The following NR5A2 variants were observed in gnomAD, a reference collection of about 807,000 sequenced individuals.
The protein encoded by NR5A2 is CYP7A promoter-binding factor.
Under a neutral mutation model 62.7 loss-of-function variants are expected in NR5A2, and 26 were observed. The observed-to-expected ratio is 0.41, with a 90% CI of 0.30 to 0.58. The LOEUF is 0.58. Ranked by LOEUF, NR5A2 falls within the 20% of genes least tolerant of loss-of-function variation. NR5A2 has a pLI of 0.22. For missense variants in NR5A2, 541 were observed against 669.1 expected (o/e 0.81, Z 2.11); for synonymous variants, 246 against 241.7 (o/e 1.02, Z -0.16).
At chr1:200,120,775 G>T in intron 6 of NR5A2, 33 bp from the exon 7 acceptor site, 1 of 1,507,872 alleles carries the variant, frequency 6.6e-7, no homozygotes, top group African/African-American at 1.4e-5. Flanking sequence ...TGCTGATTCT[G>T]ATAGTCCTTA....
At chr1:200,076,094 A>G (rs902243088) in intron 5 of NR5A2, among the ~76,000 whole-genome samples, 3 of 152,130 alleles carry the variant, frequency 2.0e-5, no homozygotes, top group Non-Finnish European at 4.4e-5. Flanking sequence ...ATAATAGACA[A>G]GAAACAGTTT....
Position 200,039,516 on chromosome 1 carries a change from C to T in NR5A2, c.65-142C>T. On this transcript the variant is annotated intron_variant, in intron 1 of 7. Coordinates refer to ENST00000367362, the MANE Select transcript of NR5A2 (RefSeq NM_205860.3). This position sits in a 1 kb window ranked among gnomAD's most constrained non-coding sequence, Gnocchi z 5.1. Reference sequence around the variant, plus strand: ...GGGGGCGGCTCCGGAGCTGCGAGACCGGACAGGGCTCAGAGGTCCTGCCCG... The same window carrying T: ...GGGGGCGGCTCCGGAGCTGCGAGACTGGACAGGGCTCAGAGGTCCTGCCCG... 8.6e-7 allele frequency: 1 copy of T among 1,164,030 alleles called. No homozygotes were observed. The highest frequency in any genetic ancestry group is 1.5e-5 in the South Asian group (1 of 66,392). 72.1% of individuals were successfully genotyped at this position (1,164,030 alleles called of 1,614,324 possible). A position where few individuals can be genotyped will look rare whatever the true frequency, so the allele number is the denominator to read the frequency against.
intron 6 of NR5A2, among the ~76,000 whole-genome samples, chr1:200,116,366 G>C (rs1207420801): frequency 1.3e-5 from 2 of 152,158 alleles, no homozygotes; most frequent in Non-Finnish European, 2.9e-5. Context: ...AAAAAGACTA[G>C]CCTGGATTTT....
intron 5 of NR5A2, among the ~76,000 whole-genome samples, chr1:200,102,250 A>G (rs913906558): frequency 6.6e-6 from 1 of 152,164 alleles, no homozygotes; most frequent in Non-Finnish European, 1.5e-5. Context: ...TCTAATACAA[A>G]TCGCACCATT....
At chr1:200,150,859 C>T (rs1045466742) in intron 7 of NR5A2, among the ~76,000 whole-genome samples, 9 of 152,176 alleles carry the variant, frequency 5.9e-5, no homozygotes, top group East Asian at 1.9e-4. Context: ...GGTCAGAAAC[C>T]GCTGCAGTGC....
chr1:200,097,969 C>A (rs920383220), intron 5 of NR5A2, among the ~76,000 whole-genome samples: 3 of 152,158 alleles, frequency 2.0e-5, no homozygotes, highest in South Asian at 4.1e-4. Context: ...AAAATCATTA[C>A]CTTGCAGCTT....
chr1:200,048,281 T>C lies in NR5A2; in HGVS notation c.573T>C (p.Leu191=), dbSNP rs1276777334. ...QKKALIRANG[L]KLEAMSQVIQ... ...AAGCCCTCATCCGAGCCAATGGACT[T>C]AAGCTAGAAGCCATGTCTCAGGTGA... Residue 191 remains leucine (L), a synonymous_variant, in exon 5 of 8, where the codon CTT becomes CTC. Transcript: ENST00000367362. This position sits in a 1 kb window ranked among gnomAD's most constrained non-coding sequence, Gnocchi z 4.8. 1.2e-6 allele frequency: 2 copies of C among 1,613,996 alleles called. No individual in the cohort carries two copies. Among genetic ancestry groups the C allele is most frequent in the Non-Finnish European group, 1.7e-6 (2 of 1,180,030 alleles).
intron 7 of NR5A2, among the ~76,000 whole-genome samples, chr1:200,160,203 T>C (rs1360628432): frequency 6.6e-6 from 1 of 152,234 alleles, no homozygotes; most frequent in Non-Finnish European, 1.5e-5. Flanking sequence ...ATGAATAGTT[T>C]ACACGAAGAG....
chr1:200,051,163 C>G (rs1472001947), intron 5 of NR5A2, among the ~76,000 whole-genome samples: 1 of 151,988 alleles, frequency 6.6e-6, no homozygotes, highest in Admixed American at 6.6e-5. Context: ...TGTTTCCTCT[C>G]AGAGTTTATA....
chr1:200,073,310 ATATATT>A (rs1663838037), intron 5 of NR5A2, among the ~76,000 whole-genome samples: 1 of 118,180 alleles, frequency 8.5e-6, no homozygotes, highest in Non-Finnish European at 1.7e-5. Context: ...ATATATATAT[ATATATT>A]CCCCTTTATA....
chr1:200,045,050 A>C (rs17722672), intron 3 of NR5A2, among the ~76,000 whole-genome samples: 7,827 of 152,092 alleles, frequency 0.051, 267 homozygotes, highest in Non-Finnish European at 0.077. Flanking sequence ...ATGGTTTATC[A>C]CTGAAATTAT....
intron 5 of NR5A2, among the ~76,000 whole-genome samples, chr1:200,073,911 G>A (rs997135388): frequency 3.3e-5 from 5 of 152,166 alleles, no homozygotes; most frequent in Admixed American, 1.3e-4. Context: ...GGCAATGGGT[G>A]TATAACAGAG....
At chr1:200,092,032 A>C (rs2102254979) in intron 5 of NR5A2, among the ~76,000 whole-genome samples, 1 of 152,344 alleles carries the variant, frequency 6.6e-6, no homozygotes, top group Non-Finnish European at 1.5e-5. Flanking sequence ...CAGGACCCCC[A>C]GGTGAACTCT....
chr1:200,042,756 A>G, intron 2 of NR5A2: 11 of 668,426 alleles, frequency 1.6e-5, no homozygotes, highest in South Asian at 6.7e-5. Context: ...ACCTGTGTGG[A>G]TGTGGAGTCT....
chr1:200,120,667 G>C (rs1666439405), intron 6 of NR5A2, 141 bp from the exon 7 acceptor site: 1 of 859,556 alleles, frequency 1.2e-6, no homozygotes, highest in South Asian at 2.5e-5. Flanking sequence ...AGACCAGTCT[G>C]GTCAAATAGT....
At position 200,048,240 on chromosome 1, in the gene NR5A2, C is replaced by G. The variant is rs1439034158; in HGVS notation, c.532C>G (p.Leu178Val). 1 of 1,614,096 alleles carries G rather than the reference C, an allele frequency of 6.2e-7. No homozygotes were observed. The highest frequency in any genetic ancestry group is 2.2e-5 in the East Asian group (1 of 44,868). Residue 178 changes from leucine to valine, a missense_variant, in exon 5 of 8, where the codon CTG becomes GTG. By Grantham distance (32) the Leu-to-Val change is conservative. Around this residue, in one of 3 missense-constraint regions of NR5A2, gnomAD observed 54 missense variants for 123.8 expected, o/e 0.44. Transcript: ENST00000367362. The surrounding 1 kb of genome is among the most constrained non-coding windows in gnomAD (Gnocchi z 4.8). ...FGPMYKRDRA[L>V]KQQKKALIRA... ...GCCAATGTACAAGAGAGACAGGGCCCTGAAGCAACAGAAAAAAGCCCTCAT... is the reference window on the plus strand; with the variant it reads ...GCCAATGTACAAGAGAGACAGGGCCGTGAAGCAACAGAAAAAAGCCCTCAT...
At chr1:200,141,918 G>A (rs1051510786) in intron 7 of NR5A2, among the ~76,000 whole-genome samples, 1 of 152,224 alleles carries the variant, frequency 6.6e-6, no homozygotes, top group East Asian at 1.9e-4. Context: ...AGGTGTCTGA[G>A]TATACCGGAA....
At chr1:200,141,031 T>TAAACAAAC (rs140408927) in intron 7 of NR5A2, among the ~76,000 whole-genome samples, 1,661 of 151,376 alleles carry the variant, frequency 0.011, 68 homozygotes, top group East Asian at 0.097. Context: ...ACTCCATCTC[T>TAAACAAAC]AAACAAACAA....
chr1:200,058,625 C>T (rs1296097550), intron 5 of NR5A2, among the ~76,000 whole-genome samples: 3 of 151,700 alleles, frequency 2.0e-5, no homozygotes, highest in Non-Finnish European at 4.4e-5. Flanking sequence ...AGATCAGGCA[C>T]ACGCCACCAT....
Sources: allele counts gnomAD v4.1 joint callset (sites outside exome capture counted in the v4.1 genomes callset), GRCh38; gene constraint gnomAD v4.1.1; regional missense constraint gnomAD v4.1.1; non-coding constraint Gnocchi (gnomAD v3.1); transcripts MANE v1.5; gene names NCBI Gene and HGNC (gene_info 2026-07-23, HGNC 2026-07-21).